The following PGP variants were observed in gnomAD, a reference collection of about 807,000 sequenced individuals.
PGP encodes phosphoglycolate phosphatase.
In PGP, 9 loss-of-function variants were observed where a neutral mutation model predicts 19.3. The ratio of observed to expected loss-of-function variants is 0.47; its 90% confidence interval spans 0.28 to 0.81. The LOEUF (loss-of-function observed/expected upper bound fraction) is 0.81. Among genes scored for constraint, PGP ranks in the 40% least tolerant of loss-of-function variants. The pLI is 0.11. For synonymous variants in PGP, 308 were observed against 226.8 expected (o/e 1.36, Z -3.22); for missense variants, 403 against 479.9 (o/e 0.84, Z 1.50).
chr16:2,213,405 C>T lies in PGP; in HGVS notation c.*323G>A. ...AAAATACAGGACACACACCCCTAGA[C>T]CCGCCTCAGTCCCATCGGCAGGCCC... is the stretch of plus-strand genomic sequence containing the variant. On this transcript the variant is annotated 3_prime_UTR_variant, in exon 2 of 2. Coordinates refer to ENST00000333503, the MANE Select transcript of PGP (RefSeq NM_001042371.3). The T allele has an allele frequency of 2.0e-6, 2 of 1,006,542 alleles. No homozygotes were observed. Among genetic ancestry groups the T allele is most frequent in the South Asian group, 8.1e-5 (2 of 24,804 alleles). 62.4% of individuals were successfully genotyped at this position (1,006,542 alleles called of 1,614,324 possible).
Position 2,214,783 on chromosome 16 carries a change from C to G in PGP, c.-6G>C, listed in dbSNP as rs2093383798. 2.1e-6 allele frequency: 2 copies of G among 970,500 alleles called. No homozygotes were observed. Among genetic ancestry groups the G allele is most frequent in the Non-Finnish European group, 2.5e-6 (2 of 811,388 alleles). 60.1% of individuals were successfully genotyped at this position (970,500 alleles called of 1,614,324 possible). A position where few individuals can be genotyped will look rare whatever the true frequency, so the allele number is the denominator to read the frequency against. On this transcript the variant is annotated 5_prime_UTR_variant, in exon 1 of 2. Transcript: ENST00000333503. The surrounding 1 kb of genome is among the most constrained non-coding windows in gnomAD (Gnocchi z 7.1). The stretch of plus-strand genomic sequence containing the variant: ...CCGGCCTCCGCCGCCGCCATCGCCG[C>G]CCGCCGGCCGCCGCCGCCCGCCGGC...
At position 2,213,577 on chromosome 16, in the gene PGP, T is replaced by G. The variant is rs1381214073; in HGVS notation, c.*151A>C. 1 of 776,160 alleles carries G rather than the reference T, an allele frequency of 1.3e-6. No homozygotes were observed. The highest frequency in any genetic ancestry group is 1.9e-6 in the Non-Finnish European group (1 of 531,382). 48.1% of individuals were successfully genotyped at this position (776,160 alleles called of 1,614,324 possible). On this transcript the variant is annotated 3_prime_UTR_variant, in exon 2 of 2. Transcript: ENST00000333503. ...ACAAAATCGTCCCCCAAACGTGTAC[T>G]TACAAGGTTAACAATGAATGCCTTT...
In PGP at chr16:2,212,414, C is replaced by G; in HGVS notation, c.*1314G>C. 1.0e-6 allele frequency: 1 copy of G among 985,836 alleles called. No homozygotes were observed. Among genetic ancestry groups the G allele is most frequent in the Non-Finnish European group, 1.2e-6 (1 of 830,100 alleles). The allele number at this position is 985,836 out of a possible 1,614,324, so 61.1% of individuals were successfully genotyped here. On this transcript the variant is annotated 3_prime_UTR_variant, in exon 2 of 2. Coordinates refer to ENST00000333503, the MANE Select transcript of PGP (RefSeq NM_001042371.3). The stretch of plus-strand genomic sequence containing the variant: ...GAGCCAGCCAGAAGGTGCAGCATCC[C>G]GGGATGGCCCTGCTGAGTCTGCTGT...
Position 2,214,522 on chromosome 16 carries a change from A to C in PGP, c.256T>G (p.Phe86Val). The change falls in exon 1 of 2, where the codon TTC becomes GTC. Residue 86 changes from phenylalanine (F) to valine (V), a missense_variant. Physicochemically the swap from Phe to Val is conservative, Grantham distance 50 (BLOSUM62 -1). Transcript: ENST00000333503. This position sits in a 1 kb window ranked among gnomAD's most constrained non-coding sequence, Gnocchi z 7.1. ...AYAEKLRRLG[F>V]GGPAGPGASL... Reference sequence around the variant, plus strand: ...GCGCCGGGCCCCGCGGGGCCGCCGAAGCCCAGGCGCCGCAGCTTCTCGGCG... The same window carrying C: ...GCGCCGGGCCCCGCGGGGCCGCCGACGCCCAGGCGCCGCAGCTTCTCGGCG... 1 of 1,442,128 alleles carries C rather than the reference A, an allele frequency of 6.9e-7. No individual in the cohort carries two copies. The highest frequency in any genetic ancestry group is 9.1e-7 in the Non-Finnish European group (1 of 1,100,256). 89.3% of individuals were successfully genotyped at this position (1,442,128 alleles called of 1,614,324 possible). A position where few individuals can be genotyped will look rare whatever the true frequency, so the allele number is the denominator to read the frequency against.
Position 2,214,615 on chromosome 16 carries a change from C to T in PGP, c.163G>A (p.Ala55Thr). 1 of 1,455,574 alleles carries T rather than the reference C, an allele frequency of 6.9e-7. No homozygotes were observed. Among genetic ancestry groups the T allele is most frequent in the Non-Finnish European group, 9.0e-7 (1 of 1,107,548 alleles). The allele number at this position is 1,455,574 out of a possible 1,614,324, so 90.2% of individuals were successfully genotyped here. Residue 55 changes from alanine to threonine, a missense_variant, in exon 1 of 2, where the codon GCG becomes ACG. Coordinates refer to ENST00000333503, the MANE Select transcript of PGP (RefSeq NM_001042371.3). This position sits in a 1 kb window ranked among gnomAD's most constrained non-coding sequence, Gnocchi z 7.1. ...AVPGAPEALR[A>T]LRARGKRLGF... is the part of the protein sequence containing the mutation. ...AGGCGCTTGCCGCGGGCTCGCAGCGCCCGCAGGGCCTCGGGCGCGCCAGGC... is the reference window on the plus strand; with the variant it reads ...AGGCGCTTGCCGCGGGCTCGCAGCGTCCGCAGGGCCTCGGGCGCGCCAGGC...
At position 2,212,811 on chromosome 16, in the gene PGP, G is replaced by A. The variant is rs563294716; in HGVS notation, c.*917C>T. ...AACACATGCTTCAGCCGCGCTGCCGGCTGCAGGGCACAGAGGCTCCTTCAG... is the reference window on the plus strand; with the variant it reads ...AACACATGCTTCAGCCGCGCTGCCGACTGCAGGGCACAGAGGCTCCTTCAG... On this transcript the variant is annotated 3_prime_UTR_variant, in exon 2 of 2. Transcript: ENST00000333503. 19 of 985,408 alleles carry A rather than the reference G, an allele frequency of 1.9e-5. No homozygotes were observed. Among genetic ancestry groups the A allele is most frequent in the Non-Finnish European group, 2.3e-5 (19 of 829,970 alleles). The allele number at this position is 985,408 out of a possible 1,614,324, so 61.0% of individuals were successfully genotyped here. A position where few individuals can be genotyped will look rare whatever the true frequency, so the allele number is the denominator to read the frequency against.
chr16:2,211,983 C>T lies in PGP; in HGVS notation c.*1745G>A. 1 of 985,546 alleles carries T rather than the reference C, an allele frequency of 1.0e-6. No individual in the cohort carries two copies. The highest frequency in any genetic ancestry group is 4.7e-5 in the South Asian group (1 of 21,296). The allele number at this position is 985,546 out of a possible 1,614,324, so 61.1% of individuals were successfully genotyped here. On this transcript the variant is annotated 3_prime_UTR_variant, in exon 2 of 2. Transcript: ENST00000333503. The stretch of plus-strand genomic sequence containing the variant: ...GGCCAATGCAAGGTGAGAGCAAGGA[C>T]ACCTGAGCCAGTGTGGGTTTGAGAG...
Position 2,213,115 on chromosome 16 carries a change from T to A in PGP, c.*613A>T. ...ATCTGAAACGGAACAGACACTCAGT[T>A]GTGACATCAGAGTGGTTTTCAAGGA... is the stretch of plus-strand genomic sequence containing the variant. On this transcript the variant is annotated 3_prime_UTR_variant, in exon 2 of 2. Transcript: ENST00000333503. 1.0e-6 allele frequency: 1 copy of A among 985,510 alleles called. No individual in the cohort carries two copies. The highest frequency in any genetic ancestry group is 1.2e-6 in the Non-Finnish European group (1 of 829,940). The allele number at this position is 985,510 out of a possible 1,614,324, so 61.0% of individuals were successfully genotyped here. A position where few individuals can be genotyped will look rare whatever the true frequency, so the allele number is the denominator to read the frequency against.
In PGP at chr16:2,214,609, G is replaced by A. The variant is rs1430062791; in HGVS notation, c.169C>T (p.Arg57Ter). The change falls in exon 1 of 2, where the codon CGA becomes TGA. Residue 57 changes from arginine to a stop codon, truncating the protein, a stop_gained. Coordinates refer to ENST00000333503, the MANE Select transcript of PGP (RefSeq NM_001042371.3). LOFTEE classifies it high-confidence loss of function. This position sits in a 1 kb window ranked among gnomAD's most constrained non-coding sequence, Gnocchi z 7.1. ...AAGCCCAGGCGCTTGCCGCGGGCTC[G>A]CAGCGCCCGCAGGGCCTCGGGCGCG... Reference protein sequence around the residue: ...PGAPEALRALRARGKRLGFIT... With the variant: ...PGAPEALRAL 3.4e-6 allele frequency: 5 copies of A among 1,457,422 alleles called. No individual in the cohort carries two copies. The highest frequency in any genetic ancestry group is 3.0e-5 in the East Asian group (1 of 33,226). 90.3% of individuals were successfully genotyped at this position (1,457,422 alleles called of 1,614,324 possible).
In PGP at chr16:2,212,327, G is replaced by A. The variant is rs2093377496; in HGVS notation, c.*1401C>T. 8 of 986,002 alleles carry A rather than the reference G, an allele frequency of 8.1e-6. No homozygotes were observed. The highest frequency in any genetic ancestry group is 9.6e-6 in the Non-Finnish European group (8 of 830,210). The allele number at this position is 986,002 out of a possible 1,614,324, so 61.1% of individuals were successfully genotyped here. A position where few individuals can be genotyped will look rare whatever the true frequency, so the allele number is the denominator to read the frequency against. Reference sequence around the variant, plus strand: ...TGCTCTGAAGTCTTTGTGACCAAGTGGAGTGCTGTGACTGTGGGGCCAAGA... The same window carrying A: ...TGCTCTGAAGTCTTTGTGACCAAGTAGAGTGCTGTGACTGTGGGGCCAAGA... On this transcript the variant is annotated 3_prime_UTR_variant, in exon 2 of 2. Coordinates refer to ENST00000333503, the MANE Select transcript of PGP (RefSeq NM_001042371.3).
Position 2,211,662 on chromosome 16 carries a change from C to G in PGP, c.*2066G>C. On this transcript the variant is annotated 3_prime_UTR_variant, in exon 2 of 2. Transcript: ENST00000333503. ...TGAACTCCTGATCTCAAGTAATCCA[C>G]CTGCCTCAGCCTTCCAAAGCGTTGG... The G allele has an allele frequency of 1.0e-6, 1 of 981,360 alleles. No homozygotes were observed. Among genetic ancestry groups the G allele is most frequent in the Non-Finnish European group, 1.2e-6 (1 of 826,196 alleles). The allele number at this position is 981,360 out of a possible 1,614,324, so 60.8% of individuals were successfully genotyped here. A position where few individuals can be genotyped will look rare whatever the true frequency, so the allele number is the denominator to read the frequency against.
In PGP at chr16:2,214,180, T is replaced by C; in HGVS notation, c.598A>G (p.Met200Val). 1.9e-6 allele frequency: 3 copies of C among 1,591,610 alleles called. No homozygotes were observed. The highest frequency in any genetic ancestry group is 2.5e-6 in the Non-Finnish European group (3 of 1,177,656). Residue 200 changes from methionine to valine, a missense_variant, in exon 1 of 2, where the codon ATG becomes GTG. Physicochemically the swap from Met to Val is conservative, Grantham distance 21. Transcript: ENST00000333503. This position sits in a 1 kb window ranked among gnomAD's most constrained non-coding sequence, Gnocchi z 7.1. The stretch of plus-strand genomic sequence containing the variant: ...TTCTCAAGCGGAAGCCGGTTGTCCA[T>C]GTTGGTGCCCACGAGCAGGCAGCCG... ...QPGCLLVGTN[M>V]DNRLPLENGR... is the part of the protein sequence containing the mutation.
Position 2,214,751 on chromosome 16 carries a change from G to T in PGP, c.27C>A (p.Asp9Glu). The T allele has an allele frequency of 8.5e-7, 1 of 1,180,030 alleles. No individual in the cohort carries two copies. Among genetic ancestry groups the T allele is most frequent in the Non-Finnish European group, 1.0e-6 (1 of 954,070 alleles). 73.1% of individuals were successfully genotyped at this position (1,180,030 alleles called of 1,614,324 possible). A position where few individuals can be genotyped will look rare whatever the true frequency, so the allele number is the denominator to read the frequency against. ...CGCTCAGCCGCACGCAGCGGGCGTC[G>T]TCGCCACCGGCCTCCGCCGCCGCCA... The part of the protein sequence containing the change: MAAAEAGG[D>E]DARCVRLSAE... The change falls in exon 1 of 2, where the codon GAC (aspartate) becomes GAA (glutamate). Residue 9 changes from aspartate to glutamate, a missense_variant. By Grantham distance (45) the Asp-to-Glu change is conservative (BLOSUM62 2). Coordinates refer to ENST00000333503, the MANE Select transcript of PGP (RefSeq NM_001042371.3). The surrounding 1 kb of genome is among the most constrained non-coding windows in gnomAD (Gnocchi z 7.1).
Position 2,214,344 on chromosome 16 carries a change from G to T in PGP, c.434C>A (p.Pro145His). 5.3e-6 allele frequency: 8 copies of T among 1,522,770 alleles called. No homozygotes were observed. Among genetic ancestry groups the T allele is most frequent in the Non-Finnish European group, 7.0e-6 (8 of 1,141,862 alleles). 94.3% of individuals were successfully genotyped at this position (1,522,770 alleles called of 1,614,324 possible). A position where few individuals can be genotyped will look rare whatever the true frequency, so the allele number is the denominator to read the frequency against. ...AVGVASVGVG[P>H]EPLQGEGPGD... ...GGGACCCTCGCCCTGCAGTGGCTCG[G>T]GCCCCACGCCCACGCTGGCGACGCC... The change falls in exon 1 of 2, where the codon CCC (proline) becomes CAC (histidine). Residue 145 changes from proline to histidine, a missense_variant. Physicochemically the swap from Pro to His is moderately conservative, Grantham distance 77 (BLOSUM62 -2). Transcript: ENST00000333503. This position sits in a 1 kb window ranked among gnomAD's most constrained non-coding sequence, Gnocchi z 7.1.
chr16:2,211,981 G>C lies in PGP; in HGVS notation c.*1747C>G. On this transcript the variant is annotated 3_prime_UTR_variant, in exon 2 of 2. Coordinates refer to ENST00000333503, the MANE Select transcript of PGP (RefSeq NM_001042371.3). ...CGGGCCAATGCAAGGTGAGAGCAAG[G>C]ACACCTGAGCCAGTGTGGGTTTGAG... 1 of 985,560 alleles carries C rather than the reference G, an allele frequency of 1.0e-6. No individual in the cohort carries two copies. Among genetic ancestry groups the C allele is most frequent in the Non-Finnish European group, 1.2e-6 (1 of 829,994 alleles). 61.1% of individuals were successfully genotyped at this position (985,560 alleles called of 1,614,324 possible). A position where few individuals can be genotyped will look rare whatever the true frequency, so the allele number is the denominator to read the frequency against.
rs2093381463 is a variant in PGP at position 2,213,845 on chromosome 16, G to A, written c.849C>T (p.Val283=). The change falls in exon 2 of 2, where the codon GTC becomes GTT. Residue 283 remains valine, a synonymous_variant. Transcript: ENST00000333503. ...GLKTILTLTG[V]STLGDVKNNQ... is the part of the protein sequence containing the mutation. Reference sequence around the variant, plus strand: ...TATTCTTCACATCCCCTAGAGTGGAGACTCCGGTGAGGGTCAGGATGGTCT... The same window carrying A: ...TATTCTTCACATCCCCTAGAGTGGAAACTCCGGTGAGGGTCAGGATGGTCT... 2.5e-6 allele frequency: 4 copies of A among 1,612,350 alleles called. No individual in the cohort carries two copies. Among genetic ancestry groups the A allele is most frequent in the South Asian group, 1.1e-5 (1 of 91,048 alleles).
In PGP at chr16:2,212,403, G is replaced by T. The variant is rs938977783; in HGVS notation, c.*1325C>A. The T allele has an allele frequency of 3.0e-6, 3 of 985,824 alleles. No individual in the cohort carries two copies. The highest frequency in any genetic ancestry group is 3.6e-6 in the Non-Finnish European group (3 of 830,166). 61.1% of individuals were successfully genotyped at this position (985,824 alleles called of 1,614,324 possible). A position where few individuals can be genotyped will look rare whatever the true frequency, so the allele number is the denominator to read the frequency against. Reference sequence around the variant, plus strand: ...GCGCTGGTAGGGAGCCAGCCAGAAGGTGCAGCATCCCGGGATGGCCCTGCT... The same window carrying T: ...GCGCTGGTAGGGAGCCAGCCAGAAGTTGCAGCATCCCGGGATGGCCCTGCT... On this transcript the variant is annotated 3_prime_UTR_variant, in exon 2 of 2. Coordinates refer to ENST00000333503, the MANE Select transcript of PGP (RefSeq NM_001042371.3).
At position 2,212,477 on chromosome 16, in the gene PGP, A is replaced by G; in HGVS notation, c.*1251T>C. 1.0e-6 allele frequency: 1 copy of G among 985,618 alleles called. No homozygotes were observed. The highest frequency in any genetic ancestry group is 1.2e-6 in the Non-Finnish European group (1 of 830,000). The allele number at this position is 985,618 out of a possible 1,614,324, so 61.1% of individuals were successfully genotyped here. ...AGGTCAGCAGAGCCAAGGAGCAGGC[A>G]GGAGAGGCTGGAGCCCCGCCCAGAA... On this transcript the variant is annotated 3_prime_UTR_variant, in exon 2 of 2. Transcript: ENST00000333503.
chr16:2,213,687 ATTTC>A lies in PGP; in HGVS notation c.*37_*40del, dbSNP rs767880700. ...TATTAATTTGGGTAACTGGTTTTCAATTTCTTTTTTTTTATTCTGCAGATTAAAG... is the reference window on the plus strand; with the variant it reads ...TATTAATTTGGGTAACTGGTTTTCAATTTTTTTTTATTCTGCAGATTAAAG... On this transcript the variant is annotated 3_prime_UTR_variant, in exon 2 of 2. Transcript: ENST00000333503. 2.0e-6 allele frequency: 3 copies of A among 1,476,936 alleles called. No homozygotes were observed. Among genetic ancestry groups the A allele is most frequent in the Admixed American group, 2.5e-5 (1 of 40,576 alleles). The allele number at this position is 1,476,936 out of a possible 1,614,324, so 91.5% of individuals were successfully genotyped here.
Sources: allele counts gnomAD v4.1 joint callset, GRCh38; gene constraint gnomAD v4.1.1; non-coding constraint Gnocchi (gnomAD v3.1); transcripts MANE v1.5; gene names NCBI Gene and HGNC (gene_info 2026-07-23, HGNC 2026-07-21).